ADAMTSL2: variants seen among roughly 807,000 people sequenced by gnomAD.
ADAMTSL2 encodes ADAMTS-like protein 2.
In ADAMTSL2, 55 loss-of-function variants were observed where a neutral mutation model predicts 117.0. The ratio of observed to expected loss-of-function variants is 0.47; its 90% CI spans 0.38 to 0.59. The LOEUF is 0.59. Ranked by LOEUF, ADAMTSL2 falls within the 20% of genes least tolerant of loss-of-function variation. The pLI, the probability that ADAMTSL2 is intolerant of heterozygous loss-of-function variation, is 0.00. For missense variants in ADAMTSL2, 1,182 were observed against 1,354.5 expected (o/e 0.87, Z 2.00); for synonymous variants, 572 against 566.4 (o/e 1.01, Z -0.14).
intron 5 of ADAMTSL2, among the ~76,000 whole-genome samples, chr9:133,540,204 A>G (rs979815996): frequency 1.3e-5 from 2 of 152,196 alleles, no homozygotes; most frequent in Admixed American, 6.5e-5. Context: ...GACTGCCCAC[A>G]CGGTCCCATG....
At chr9:133,550,124 G>A (rs562093743) in intron 9 of ADAMTSL2, among the ~76,000 whole-genome samples, 48 of 152,262 alleles carry the variant, frequency 3.2e-4, no homozygotes, top group Non-Finnish European at 6.5e-4. Flanking sequence ...GTGCCCTGAA[G>A]AGCAGAGAAA....
rs1026897116 is a variant in ADAMTSL2 at position 133,554,485 on chromosome 9, C to A, written c.1068C>A (p.Asp356Glu). The change falls in exon 10 of 19, where the codon GAC (aspartate) becomes GAA (glutamate). Residue 356 changes from aspartate to glutamate, a missense_variant. Asp to Glu is a conservative substitution (Grantham distance 45). Transcript: ENST00000651351. The surrounding 1 kb of genome is among the most constrained non-coding windows in gnomAD (Gnocchi z 5.2). Reference protein sequence around the residue: ...FSESAESQGLDGAGLMGFVPH... With the variant: ...FSESAESQGLEGAGLMGFVPH... The stretch of plus-strand genomic sequence containing the variant: ...AGAGCGCTGAGAGCCAGGGCCTGGA[C>A]GGGGCCGGGCTGATGGGCTTCGTCC... The A allele has an allele frequency of 6.4e-7, 1 of 1,551,638 alleles. No individual in the cohort carries two copies. Among genetic ancestry groups the A allele is most frequent in the African/African-American group, 1.4e-5 (1 of 73,464 alleles).
chr9:133,563,434 GTAAGTGTCAAGCCTGTGGGCGTTGTCAC>G (rs1285595459), intron 12 of ADAMTSL2, among the ~76,000 whole-genome samples: 2,799 of 152,280 alleles, frequency 0.018, 87 homozygotes, highest in African/African-American at 0.062. Context: ...GGCGTTGTCA[GTAAGTGTCAAGCCTGTGGGCGTTGTCAC>G]TAAGTGTCTG....
chr9:133,574,610 G>A (rs1465749401), intron 18 of ADAMTSL2, 136 bp from the exon 19 acceptor site: 2 of 782,946 alleles, frequency 2.6e-6, no homozygotes, highest in African/African-American at 3.4e-5. Context: ...GGAGGGGGCA[G>A]AGAGCTAGAG....
In ADAMTSL2 at chr9:133,558,086, T is replaced by A. The variant is rs1051045380; in HGVS notation, c.1649+2156T>A. Among the ~76,000 whole-genome samples, 7 of 152,136 alleles carry A rather than the reference T, an allele frequency of 4.6e-5. No individual in the cohort carries two copies. Among genetic ancestry groups the A allele is most frequent in the African/African-American group, 1.4e-4 (6 of 41,428 alleles). ...AAGAGTCTCTCCTGCCCCATCTTGG[T>A]TGACTCTTACCCTCCCCTCTTAGCC... On this transcript the variant is annotated intron_variant, in intron 11 of 18. Coordinates refer to ENST00000651351, the MANE Select transcript of ADAMTSL2 (RefSeq NM_014694.4). This position sits in a 1 kb window ranked among gnomAD's most constrained non-coding sequence, Gnocchi z 4.3.
At position 133,534,728 on chromosome 9, in the gene ADAMTSL2, C is replaced by A; in HGVS notation, c.-340C>A. 1.4e-6 allele frequency: 2 copies of A among 1,383,824 alleles called. No homozygotes were observed. Among genetic ancestry groups the A allele is most frequent in the Admixed American group, 3.4e-5 (1 of 29,252 alleles). 85.7% of individuals were successfully genotyped at this position (1,383,824 alleles called of 1,614,324 possible). Reference sequence around the variant, plus strand: ...CACTGGGCTGCGCCCCTCCCGGGAACCCCCTCTCTTGGATGCTCTTTGAAG... The same window carrying A: ...CACTGGGCTGCGCCCCTCCCGGGAAACCCCTCTCTTGGATGCTCTTTGAAG... On this transcript the variant is annotated 5_prime_UTR_variant, in exon 1 of 19. Transcript: ENST00000651351.
At chr9:133,555,166 C>G (rs1250912500) in intron 10 of ADAMTSL2, among the ~76,000 whole-genome samples, 13 of 152,150 alleles carry the variant, frequency 8.5e-5, no homozygotes, top group African/African-American at 3.1e-4. Flanking sequence ...CTCCTCTGTG[C>G]CGGTGTCTCT....
At position 133,562,598 on chromosome 9, in the gene ADAMTSL2, G is replaced by A. The variant is rs1326850096; in HGVS notation, c.1747+1303G>A. Among the ~76,000 whole-genome samples, 18 of 113,700 alleles carry A rather than the reference G, an allele frequency of 1.6e-4. 1 individual carries two copies. The East Asian group carries it at 2.3e-3, about 14-fold the overall frequency. 74.6% of individuals were successfully genotyped at this position (113,700 alleles called of 152,430 possible). On this transcript the variant is annotated intron_variant, in intron 12 of 18. Coordinates refer to ENST00000651351, the MANE Select transcript of ADAMTSL2 (RefSeq NM_014694.4). ...CCTGCTGGGCCCGGCTCGCACCGCCGTGGGCGGCGTGGCGGGCACCCGGCT... is the reference window on the plus strand; with the variant it reads ...CCTGCTGGGCCCGGCTCGCACCGCCATGGGCGGCGTGGCGGGCACCCGGCT...
intron 8 of ADAMTSL2, 47 bp from the exon 9 acceptor site, chr9:133,546,991 C>T (rs1830364501): frequency 1.3e-6 from 2 of 1,594,398 alleles, no homozygotes; most frequent in Non-Finnish European, 1.7e-6. Flanking sequence ...ACTGGCTCCT[C>T]CCCCAGCCAG....
At position 133,544,554 on chromosome 9, in the gene ADAMTSL2, G is replaced by A; in HGVS notation, c.763+4G>A. 1 of 1,613,364 alleles carries A rather than the reference G, an allele frequency of 6.2e-7. No homozygotes were observed. The highest frequency in any genetic ancestry group is 1.1e-5 in the South Asian group (1 of 91,082). On this transcript the variant is annotated splice_donor_region_variant and intron_variant, in intron 8 of 18. Coordinates refer to ENST00000651351, the MANE Select transcript of ADAMTSL2 (RefSeq NM_014694.4). ...AAGAAGTCCGCTGACGTGCTAGGTG[G>A]GTACGCAGTGTCTGGCAGCTGCCTC...
Position 133,554,429 on chromosome 9 carries a change from C to A in ADAMTSL2, c.1012C>A (p.Arg338Ser). ...GCTGCTGCAGCCGCCACACGAGAGC[C>A]GCCCCCAGCCCATCTACTATGGCTT... ...YTLLQPPHES[R>S]PQPIYYGFSE... is the part of the protein sequence containing the mutation. Residue 338 changes from arginine to serine, a missense_variant, in exon 10 of 19, where the codon CGC (arginine) becomes AGC (serine). Physicochemically the swap from Arg to Ser is moderately radical, Grantham distance 110. Around this residue, in one of 3 missense-constraint regions of ADAMTSL2, gnomAD observed 345 missense variants for 325.8 expected, o/e 1.06. Transcript: ENST00000651351. The surrounding 1 kb of genome is among the most constrained non-coding windows in gnomAD (Gnocchi z 5.2). 1 of 1,564,392 alleles carries A rather than the reference C, an allele frequency of 6.4e-7. No homozygotes were observed. Among genetic ancestry groups the A allele is most frequent in the South Asian group, 1.2e-5 (1 of 85,378 alleles).
In ADAMTSL2 at chr9:133,568,707, C is replaced by A. The variant is rs895501505; in HGVS notation, c.2193C>A (p.Asn731Lys). The A allele has an allele frequency of 1.2e-6, 2 of 1,613,350 alleles. No individual in the cohort carries two copies. The highest frequency in any genetic ancestry group is 3.3e-5 in the Admixed American group (2 of 60,034). Residue 731 changes from asparagine (N) to lysine (K), a missense_variant, in exon 15 of 19, where the codon AAC (asparagine) becomes AAA (lysine). Physicochemically the swap from Asn to Lys is moderately conservative, Grantham distance 94. Transcript: ENST00000651351. ...ACACCAGGCCTGTAGGGGAGAAGAA[C>A]TGCACGGGCCCGCCCTGTGACCGGC... The part of the protein sequence containing the change: ...DPNTRPVGEK[N>K]CTGPPCDRQW...
chr9:133,568,183 GA>G, intron 13 of ADAMTSL2, 89 bp from the exon 14 acceptor site: 1 of 1,346,724 alleles, frequency 7.4e-7, no homozygotes, highest in South Asian at 1.3e-5. Flanking sequence ...GGGAGGAAGG[GA>G]GGAGCCGCGT....
Position 133,540,579 on chromosome 9 carries a change from CT to C in ADAMTSL2, c.413-16del. 1 of 1,612,970 alleles carries C rather than the reference CT, an allele frequency of 6.2e-7. No homozygotes were observed. Among genetic ancestry groups the C allele is most frequent in the Non-Finnish European group, 8.5e-7 (1 of 1,179,920 alleles). ...TTCCTGCCCCGCTGAAACCTTCTGT[CT>C]TTGTCTCCCTCCACCAGATGACTAT... On this transcript the variant is annotated intron_variant, in intron 5 of 18. Transcript: ENST00000651351.
At position 133,557,158 on chromosome 9, in the gene ADAMTSL2, G is replaced by C. The variant is rs1830620933; in HGVS notation, c.1649+1228G>C. On this transcript the variant is annotated intron_variant, in intron 11 of 18. Transcript: ENST00000651351. The surrounding 1 kb of genome is among the most constrained non-coding windows in gnomAD (Gnocchi z 5.2). ...TTCACTCTCGAGGTGATGTGGTTTGGGGCCACCCTCCCACCCATCCAGCCC... is the reference window on the plus strand; with the variant it reads ...TTCACTCTCGAGGTGATGTGGTTTGCGGCCACCCTCCCACCCATCCAGCCC... Among the ~76,000 whole-genome samples, 1 of 152,108 alleles carries C rather than the reference G, an allele frequency of 6.6e-6. No homozygotes were observed. Among genetic ancestry groups the C allele is most frequent in the Non-Finnish European group, 1.5e-5 (1 of 68,016 alleles).
chr9:133,574,944 C>A lies in ADAMTSL2; in HGVS notation c.*80C>A, dbSNP rs1476817370. 7.1e-6 allele frequency: 8 copies of A among 1,127,488 alleles called. No individual in the cohort carries two copies. The highest frequency in any genetic ancestry group is 4.8e-5 in the East Asian group (2 of 41,964). The allele number at this position is 1,127,488 out of a possible 1,614,324, so 69.8% of individuals were successfully genotyped here. A position where few individuals can be genotyped will look rare whatever the true frequency, so the allele number is the denominator to read the frequency against. On this transcript the variant is annotated 3_prime_UTR_variant, in exon 19 of 19. Coordinates refer to ENST00000651351, the MANE Select transcript of ADAMTSL2 (RefSeq NM_014694.4). ...CTGCAGCTTCTGGGGCCTCCACAGA[C>A]CCCCCTCCTGCGGGGCACGCTGGCC...
chr9:133,570,288 G>C, intron 16 of ADAMTSL2, 43 bp from the exon 17 acceptor site: 1 of 1,534,878 alleles, frequency 6.5e-7, no homozygotes, highest in Non-Finnish European at 8.7e-7. Flanking sequence ...GTAGGGTCCT[G>C]CTGGGCCCTG....
At position 133,536,806 on chromosome 9, in the gene ADAMTSL2, A is replaced by C; in HGVS notation, c.90+4A>C. 6.2e-7 allele frequency: 1 copy of C among 1,614,092 alleles called. No homozygotes were observed. The highest frequency in any genetic ancestry group is 8.5e-7 in the Non-Finnish European group (1 of 1,180,024). ...CACAGTGTCAACCGGGTCCACGGTG[A>C]GTGGGGTGTTGTGGTCTGAGGGCCC... On this transcript the variant is annotated splice_donor_region_variant and intron_variant, in intron 2 of 18. Transcript: ENST00000651351.
intron 11 of ADAMTSL2, among the ~76,000 whole-genome samples, chr9:133,560,849 T>C (rs935783840): frequency 1.3e-5 from 2 of 152,246 alleles, no homozygotes; most frequent in East Asian, 3.9e-4. Context: ...TGTGAGAAGG[T>C]AATATTGAGA....
Sources: allele counts gnomAD v4.1 joint callset (sites outside exome capture counted in the v4.1 genomes callset), GRCh38; gene constraint gnomAD v4.1.1; regional missense constraint gnomAD v4.1.1; non-coding constraint Gnocchi (gnomAD v3.1); transcripts MANE v1.5; gene names NCBI Gene and HGNC (gene_info 2026-07-23, HGNC 2026-07-21).